Variants in CCSER1 observed in about 807,000 individuals in gnomAD.
CCSER1 encodes serine-rich coiled-coil domain-containing protein 1.
A neutral mutation model predicts 82.0 loss-of-function variants in CCSER1; 41 were observed. That is an observed-to-expected ratio of 0.50 (90% CI 0.39 to 0.65). CCSER1 has a LOEUF of 0.65. Ranked by LOEUF, CCSER1 falls within the 30% of genes least tolerant of loss-of-function variation. The pLI is 0.00. For missense variants in CCSER1, 1,119 were observed against 1,064.2 expected (o/e 1.05, Z -0.72); for synonymous variants, 414 against 383.9 (o/e 1.08, Z -0.92).
At chr4:90,579,020 A>AAGG (rs1560752755) in intron 5 of CCSER1, among the ~76,000 whole-genome samples, 1 of 151,086 alleles carries the variant, frequency 6.6e-6, no homozygotes, top group African/African-American at 2.4e-5. Context: ...GTCTATTAAA[A>AAGG]AAAGCTTGAC....
chr4:90,894,726 A>G (rs1580970979), intron 8 of CCSER1, among the ~76,000 whole-genome samples: 2 of 151,822 alleles, frequency 1.3e-5, no homozygotes, highest in Admixed American at 1.3e-4. Context: ...TAGTAATGGT[A>G]CCATTTCTCA....
chr4:91,102,276 T>C (rs1725144876), intron 10 of CCSER1, among the ~76,000 whole-genome samples: 1 of 139,672 alleles, frequency 7.2e-6, no homozygotes, highest in Non-Finnish European at 1.6e-5. Flanking sequence ...AGGGAAGATA[T>C]TTTGTAAGAT....
chr4:91,571,596 A>C (rs562316239), intron 10 of CCSER1, among the ~76,000 whole-genome samples: 16 of 152,300 alleles, frequency 1.1e-4, no homozygotes, highest in African/African-American at 3.8e-4. Context: ...ATGAGAACTC[A>C]CTATCATGAG....
intron 8 of CCSER1, among the ~76,000 whole-genome samples, chr4:90,833,068 G>T (rs1561215319): frequency 1.3e-5 from 2 of 152,170 alleles, no homozygotes; most frequent in South Asian, 2.1e-4. Flanking sequence ...CATAACGAAA[G>T]ACTTGAGACT....
chr4:91,248,876 A>C (rs1740032255), intron 10 of CCSER1, among the ~76,000 whole-genome samples: 1 of 152,110 alleles, frequency 6.6e-6, no homozygotes, highest in Admixed American at 6.5e-5. Flanking sequence ...TACCTTTACA[A>C]TTTTTTGGTA....
chr4:90,585,087 C>G (rs956795903), intron 5 of CCSER1, among the ~76,000 whole-genome samples: 14 of 152,122 alleles, frequency 9.2e-5, no homozygotes, highest in African/African-American at 3.1e-4. Context: ...GACCCTTAAC[C>G]AAAAATGATA....
intron 7 of CCSER1, among the ~76,000 whole-genome samples, chr4:90,783,957 A>T (rs1253969127): frequency 6.6e-6 from 1 of 152,180 alleles, no homozygotes; most frequent in Non-Finnish European, 1.5e-5. Flanking sequence ...TGGAAAGCAC[A>T]TGCTGCAACT....
intron 10 of CCSER1, among the ~76,000 whole-genome samples, chr4:91,327,760 A>G (rs1233376286): frequency 6.6e-6 from 1 of 152,204 alleles, no homozygotes; most frequent in African/African-American, 2.4e-5. Context: ...TGTTTCTGCA[A>G]ATGAGCATAG....
At chr4:90,790,485 A>G (rs1755085983) in intron 7 of CCSER1, among the ~76,000 whole-genome samples, 1 of 152,192 alleles carries the variant, frequency 6.6e-6, no homozygotes, top group African/African-American at 2.4e-5. Flanking sequence ...ACCTTTGCTT[A>G]GAAAATACTT....
At chr4:90,183,313 A>G (rs561780886) in intron 1 of CCSER1, among the ~76,000 whole-genome samples, 2 of 152,196 alleles carry the variant, frequency 1.3e-5, no homozygotes, top group South Asian at 4.1e-4. Context: ...GGTTTTAACC[A>G]TCTTGCAGGG....
intron 10 of CCSER1, among the ~76,000 whole-genome samples, chr4:91,594,344 T>TACATATATATACACATATATATAC (rs1244115809): frequency 7.5e-5 from 11 of 146,898 alleles, no homozygotes; most frequent in East Asian, 4.0e-4. Context: ...CACATATATA[T>TACATATATATACACATATATATAC]ACATATATAT....
intron 7 of CCSER1, among the ~76,000 whole-genome samples, chr4:90,752,352 G>A (rs1051497312): frequency 3.3e-5 from 5 of 151,972 alleles, no homozygotes; most frequent in Non-Finnish European, 5.9e-5. Flanking sequence ...CTGTTTGTGT[G>A]GAATAATTCA....
chr4:91,090,293 G>A (rs1171330006), intron 10 of CCSER1, among the ~76,000 whole-genome samples: 1 of 152,170 alleles, frequency 6.6e-6, no homozygotes. Context: ...CCACTGATCA[G>A]GTGGCTTAGC....
At chr4:90,575,132 T>C (rs1411085367) in intron 5 of CCSER1, among the ~76,000 whole-genome samples, 1 of 152,240 alleles carries the variant, frequency 6.6e-6, no homozygotes, top group Non-Finnish European at 1.5e-5. Context: ...TAGTCATCAG[T>C]TGTCAGTGAT....
intron 9 of CCSER1, among the ~76,000 whole-genome samples, chr4:91,077,470 A>G (rs754127189): frequency 3.6e-4 from 55 of 152,246 alleles, no homozygotes; most frequent in Non-Finnish European, 6.2e-4. Context: ...AATTCAGTCA[A>G]TAGAAACAGA....
chr4:90,261,583 T>A (rs781513594), intron 1 of CCSER1, among the ~76,000 whole-genome samples: 1 of 152,188 alleles, frequency 6.6e-6, no homozygotes, highest in Non-Finnish European at 1.5e-5. Flanking sequence ...ACCTTGGTGA[T>A]GATCTTTTTG....
chr4:91,231,920 A>G (rs1213328051), intron 10 of CCSER1, among the ~76,000 whole-genome samples: 2 of 151,840 alleles, frequency 1.3e-5, no homozygotes, highest in South Asian at 2.1e-4. Context: ...AAATAAATGC[A>G]TCCTAAGTTG....
intron 10 of CCSER1, among the ~76,000 whole-genome samples, chr4:91,158,682 C>T (rs1731071093): frequency 6.6e-6 from 1 of 151,674 alleles, no homozygotes; most frequent in African/African-American, 2.4e-5. Flanking sequence ...TGCAGGCAAA[C>T]GCACATGCAC....
chr4:90,801,432 T>C (rs1197653213), intron 7 of CCSER1, among the ~76,000 whole-genome samples: 5 of 152,168 alleles, frequency 3.3e-5, no homozygotes, highest in Non-Finnish European at 5.9e-5. Context: ...GGTGGTATTA[T>C]TATTTTTTGA....
Sources: allele counts gnomAD v4.1 joint callset (sites outside exome capture counted in the v4.1 genomes callset), GRCh38; gene constraint gnomAD v4.1.1; transcripts MANE v1.5; gene names NCBI Gene and HGNC (gene_info 2026-07-23, HGNC 2026-07-21).